Variants in OLFM1 observed in about 807,000 individuals in gnomAD.
The protein encoded by OLFM1 is noelin.
In OLFM1, 9 loss-of-function variants were observed where a neutral mutation model predicts 49.7. The observed-to-expected ratio is 0.18, with a 90% CI of 0.11 to 0.32. OLFM1 has a LOEUF of 0.32. Ranked by LOEUF, OLFM1 falls within the 10% of genes least tolerant of loss-of-function variation. OLFM1 has a pLI of 1.00. For synonymous variants in OLFM1, 240 were observed against 271.8 expected (o/e 0.88, Z 1.15); for missense variants, 369 against 661.8 (o/e 0.56, Z 4.85).
chr9:135,097,979 A>G, intron 3 of OLFM1: 3 of 1,429,286 alleles, frequency 2.1e-6, no homozygotes, highest in Non-Finnish European at 2.7e-6. Context: ...GCATTTCATG[A>G]ATAGTTTGAA....
intron 5 of OLFM1, among the ~76,000 whole-genome samples, chr9:135,111,742 G>A (rs1297995076): frequency 6.6e-6 from 1 of 152,094 alleles, no homozygotes; most frequent in Non-Finnish European, 1.5e-5. Context: ...ACGGAGTCTT[G>A]CTCTGTCGTC....
chr9:135,076,799 C>T lies in OLFM1; in HGVS notation c.96+997C>T, dbSNP rs1472673667. ...ACCCTTCTTTCCTTCCTCCCTTCCT[C>T]CATCTCCCTCAGAATAAAAGAGAAA... is the stretch of plus-strand genomic sequence containing the variant. On this transcript the variant is annotated intron_variant, in intron 1 of 5. Coordinates refer to the OLFM1 transcript ENST00000252854. The T allele has an allele frequency of 2.0e-6, 3 of 1,528,760 alleles. No homozygotes were observed. In the South Asian group the frequency reaches 3.7e-5, roughly 19 times the overall value. 94.7% of individuals were successfully genotyped at this position (1,528,760 alleles called of 1,614,324 possible).
intron 5 of OLFM1, among the ~76,000 whole-genome samples, chr9:135,118,464 C>T (rs1274086289): frequency 6.9e-6 from 1 of 145,634 alleles, no homozygotes; most frequent in Non-Finnish European, 1.5e-5. Flanking sequence ...CTTTAGAGTG[C>T]TTACTGGGTC....
At chr9:135,077,778 G>C (rs1830486852) in intron 1 of OLFM1, among the ~76,000 whole-genome samples, 1 of 152,234 alleles carries the variant, frequency 6.6e-6, no homozygotes, top group Non-Finnish European at 1.5e-5. Context: ...CCTTCCCCAG[G>C]CTGGCTTCTG....
chr9:135,099,375 T>C (rs1213228256), intron 4 of OLFM1, among the ~76,000 whole-genome samples: 1 of 152,188 alleles, frequency 6.6e-6, no homozygotes, highest in Non-Finnish European at 1.5e-5. Context: ...ATCTCAGGCT[T>C]TCTCTGATGT....
chr9:135,105,079 G>T (rs1002567651), intron 4 of OLFM1, among the ~76,000 whole-genome samples: 1 of 152,212 alleles, frequency 6.6e-6, no homozygotes, highest in Admixed American at 6.5e-5. Flanking sequence ...GACCACGGCC[G>T]AGAAGACCCT....
At chr9:135,104,188 T>G (rs953368351) in intron 4 of OLFM1, among the ~76,000 whole-genome samples, 5 of 151,996 alleles carry the variant, frequency 3.3e-5, no homozygotes, top group African/African-American at 1.2e-4. Context: ...GAAGGGCACG[T>G]CTTTAGGGCA....
At chr9:135,086,934 C>T (rs2119095471), upstream of OLFM1, among the ~76,000 whole-genome samples, 2 of 152,354 alleles carry the variant, frequency 1.3e-5, no homozygotes, top group East Asian at 1.9e-4. Flanking sequence ...CCTTCAGCTC[C>T]TGAGGTCCAG....
chr9:135,092,907 G>C (rs1188834754), intron 2 of OLFM1, among the ~76,000 whole-genome samples: 1 of 152,162 alleles, frequency 6.6e-6, no homozygotes, highest in East Asian at 1.9e-4. Flanking sequence ...AGCTTCCCCC[G>C]CACACCCTGG....
At chr9:135,103,053 G>T (rs956138380) in intron 4 of OLFM1, among the ~76,000 whole-genome samples, 2 of 152,196 alleles carry the variant, frequency 1.3e-5, no homozygotes, top group African/African-American at 4.8e-5. Context: ...CTCTGAGCCC[G>T]TCTGGGGCCG....
chr9:135,098,600 C>G lies in OLFM1; in HGVS notation c.676+95C>G. 8.5e-7 allele frequency: 1 copy of G among 1,175,608 alleles called. No homozygotes were observed. Among genetic ancestry groups the G allele is most frequent in the Non-Finnish European group, 1.2e-6 (1 of 813,728 alleles). The allele number at this position is 1,175,608 out of a possible 1,614,324, so 72.8% of individuals were successfully genotyped here. On this transcript the variant is annotated intron_variant, in intron 4 of 5. Coordinates refer to ENST00000371793, the MANE Select transcript of OLFM1 (RefSeq NM_001282611.2). This position sits in a 1 kb window ranked among gnomAD's most constrained non-coding sequence, Gnocchi z 5.6. ...TGGTGCTGAAGTGGACAGCGCCCGC[C>G]TGGCTTCGCGAGGTGATGGCTGGAT...
chr9:135,111,395 G>A (rs1484679382), intron 5 of OLFM1, among the ~76,000 whole-genome samples: 1 of 152,196 alleles, frequency 6.6e-6, no homozygotes, highest in Non-Finnish European at 1.5e-5. Context: ...TCTGGCCGCA[G>A]GCTCTCAGGG....
upstream of OLFM1, among the ~76,000 whole-genome samples, chr9:135,086,882 C>G (rs928434222): frequency 6.6e-5 from 10 of 152,176 alleles, no homozygotes; most frequent in African/African-American, 2.2e-4. Context: ...AGTCCCCGCC[C>G]CACACACCCA....
At chr9:135,110,118 G>A (rs11788058) in intron 5 of OLFM1, among the ~76,000 whole-genome samples, 1 of 152,192 alleles carries the variant, frequency 6.6e-6, no homozygotes, top group Non-Finnish European at 1.5e-5. Flanking sequence ...CATTGCCTCA[G>A]TGTTGGAGGA....
At chr9:135,101,823 T>C (rs920148319) in intron 4 of OLFM1, among the ~76,000 whole-genome samples, 1 of 152,214 alleles carries the variant, frequency 6.6e-6, no homozygotes, top group Non-Finnish European at 1.5e-5. Context: ...GGGCGTGGCA[T>C]GTGCCTGTCA....
Position 135,119,980 on chromosome 9 carries a change from G to C in OLFM1, c.1260G>C (p.Gly420=). 1 of 1,613,672 alleles carries C rather than the reference G, an allele frequency of 6.2e-7. No homozygotes were observed. Among genetic ancestry groups the C allele is most frequent in the Non-Finnish European group, 8.5e-7 (1 of 1,180,026 alleles). ...GTLYVTNGYS[G]GTKVHYAYQT... ...TGTACGTCACCAACGGCTACTCAGG[G>C]GGTACCAAGGTCCACTATGCATACC... Residue 420 remains glycine (G), a synonymous_variant, in exon 6 of 6, where the codon GGG becomes GGC. Transcript: ENST00000371793.
intron 4 of OLFM1, chr9:135,106,494 C>T (rs2281980): frequency 0.49 from 232,996 of 471,844 alleles, 59,589 homozygotes; most frequent in Admixed American, 0.54. Context: ...CCTGGGAGGG[C>T]GGCCGTCTGC....
In OLFM1 at chr9:135,113,745, G is replaced by A. The variant is rs141175834; in HGVS notation, c.784-5759G>A. ...AGTGAGGCGGCAAGGCCTCCCCTCC[G>A]GGCTCACGGTCAGGTGGGAGACACA... On this transcript the variant is annotated intron_variant, in intron 5 of 5. Transcript: ENST00000371793. The surrounding 1 kb of genome is among the most constrained non-coding windows in gnomAD (Gnocchi z 4.0). Among the ~76,000 whole-genome samples, 77 of 152,288 alleles carry A rather than the reference G, an allele frequency of 5.1e-4. No individual in the cohort carries two copies. In the East Asian group the frequency reaches 0.014, roughly 27 times the overall value.
upstream of OLFM1, among the ~76,000 whole-genome samples, chr9:135,086,092 T>C (rs1412060356): frequency 6.6e-6 from 1 of 152,216 alleles, no homozygotes; most frequent in East Asian, 1.9e-4. Flanking sequence ...GCGTGAGTGA[T>C]CTGGACAGAC....
Sources: gnomAD v4.1 joint callset for allele counts (sites outside exome capture counted in the v4.1 genomes callset) on GRCh38, gnomAD v4.1.1 for gene constraint, Gnocchi (gnomAD v3.1) non-coding constraint, MANE v1.5 for transcripts, NCBI Gene and HGNC (gene_info 2026-07-23, HGNC 2026-07-21) for gene names.